The following PTPRO variants were observed in gnomAD, a reference collection of about 807,000 sequenced individuals.
PTPRO encodes protein tyrosine phosphatase receptor type O, also known as receptor-type tyrosine-protein phosphatase O.
PTPRO carries 62 observed loss-of-function variants against 145.2 expected under a neutral mutation model. The ratio of observed to expected loss-of-function variants is 0.43; its 90% CI spans 0.35 to 0.53. PTPRO has a LOEUF of 0.53. Among genes scored for constraint, PTPRO ranks in the 20% least tolerant of loss-of-function variants. The pLI is 0.01. For missense variants in PTPRO, 1,345 were observed against 1,482.7 expected, an observed-to-expected ratio of 0.91 and a Z score of 1.53; for synonymous variants, 565 against 514.7, an observed-to-expected ratio of 1.10 and a Z score of -1.32.
intron 6 of PTPRO, among the ~76,000 whole-genome samples, chr12:15,507,753 T>C (rs998155057): frequency 2.0e-5 from 3 of 152,238 alleles, no homozygotes; most frequent in Non-Finnish European, 2.9e-5. Context: ...TCCTCCCCAG[T>C]AGAGCGACTT....
At chr12:15,469,515 G>A (rs1004005877) in intron 1 of PTPRO, among the ~76,000 whole-genome samples, 1 of 152,146 alleles carries the variant, frequency 6.6e-6, no homozygotes. Context: ...CACCAGCCAA[G>A]CACAGCTTCC....
At chr12:15,324,268 T>C (rs1866382118) in intron 1 of PTPRO, among the ~76,000 whole-genome samples, 1 of 152,250 alleles carries the variant, frequency 6.6e-6, no homozygotes, top group Admixed American at 6.5e-5. Context: ...GAGTTATATG[T>C]ATGACATCTG....
At chr12:15,438,624 G>GT (rs994710055) in intron 1 of PTPRO, among the ~76,000 whole-genome samples, 49 of 152,040 alleles carry the variant, frequency 3.2e-4, no homozygotes, top group African/African-American at 1.2e-3. Context: ...AGATTGAAGA[G>GT]TGGTCTTTTG....
In PTPRO at chr12:15,322,742, A is replaced by G. The variant is rs1234329276; in HGVS notation, c.16A>G (p.Thr6Ala). ...CCGCGCAGCGATGGGGCACCTGCCC[A>G]CGGGGATACACGGCGCCCGCCGCCT... is the stretch of plus-strand genomic sequence containing the variant. MGHLP[T>A]GIHGARRLLP... Residue 6 changes from threonine to alanine, a missense_variant, in exon 1 of 27, where the codon ACG becomes GCG. Thr to Ala is a moderately conservative substitution (Grantham distance 58). Around this residue, in one of 3 missense-constraint regions of PTPRO, gnomAD observed 1,130 missense variants for 1,214.7 expected, o/e 0.93. Coordinates refer to ENST00000281171, the MANE Select transcript of PTPRO (RefSeq NM_030667.3). This position sits in a 1 kb window ranked among gnomAD's most constrained non-coding sequence, Gnocchi z 6.3. 4.3e-6 allele frequency: 7 copies of G among 1,611,792 alleles called. No homozygotes were observed. Among genetic ancestry groups the G allele is most frequent in the South Asian group, 1.1e-5 (1 of 90,886 alleles).
rs536019936 is a variant in PTPRO, at chr12:15,507,856, A to T, written c.1268-715A>T. On this transcript the variant is annotated intron_variant, in intron 6 of 26. Coordinates refer to ENST00000281171, the MANE Select transcript of PTPRO (RefSeq NM_030667.3). The stretch of plus-strand genomic sequence containing the variant: ...CTAAGCAAATAAATGGAAGTTTCAC[A>T]TTTGCATTTCAGCAGGGAATTTCTG... 3.9e-5 allele frequency among the ~76,000 whole-genome samples: 6 copies of T among 152,310 alleles called. 1 individual carries two copies. The highest frequency in any genetic ancestry group is 7.4e-5 in the Non-Finnish European group (5 of 68,018).
chr12:15,458,884 G>C (rs1941240250), intron 1 of PTPRO, among the ~76,000 whole-genome samples: 1 of 151,868 alleles, frequency 6.6e-6, no homozygotes, highest in Non-Finnish European at 1.5e-5. Context: ...TATTTACCTG[G>C]TTGTTTTTCC....
intron 13 of PTPRO, among the ~76,000 whole-genome samples, chr12:15,548,157 A>G (rs2135552889): frequency 6.6e-6 from 1 of 152,328 alleles, no homozygotes; most frequent in South Asian, 2.1e-4. Context: ...AGAAAAATAC[A>G]GAAATCTCTT....
chr12:15,494,895 T>G (rs941293037), intron 2 of PTPRO, among the ~76,000 whole-genome samples: 13 of 152,264 alleles, frequency 8.5e-5, no homozygotes, highest in African/African-American at 3.1e-4. Context: ...CGTGGCTACT[T>G]TTTCTGTCTC....
chr12:15,340,734 A>G (rs964038555), intron 1 of PTPRO, among the ~76,000 whole-genome samples: 1 of 152,196 alleles, frequency 6.6e-6, no homozygotes, highest in African/African-American at 2.4e-5. Flanking sequence ...GCACCATGGC[A>G]GACTTATGCC....
chr12:15,487,273 G>A (rs1941908446), intron 2 of PTPRO, among the ~76,000 whole-genome samples: 1 of 152,048 alleles, frequency 6.6e-6, no homozygotes, highest in Non-Finnish European at 1.5e-5. Context: ...TTAAATCCAT[G>A]GGTCAGAGAG....
At chr12:15,342,439 T>C (rs1191766953) in intron 1 of PTPRO, among the ~76,000 whole-genome samples, 1 of 152,214 alleles carries the variant, frequency 6.6e-6, no homozygotes, top group Admixed American at 6.5e-5. Flanking sequence ...TCTATGAACA[T>C]TTATAGAGCA....
Position 15,589,604 on chromosome 12 carries a change from C to T in PTPRO, c.3546+14C>T, listed in dbSNP as rs1944504611. Reference sequence around the variant, plus strand: ...GTACAGACAGAGGTAGGAACATAATCTATATGTATTTTTAAATTTTCCCTG... The same window carrying T: ...GTACAGACAGAGGTAGGAACATAATTTATATGTATTTTTAAATTTTCCCTG... On this transcript the variant is annotated intron_variant, in intron 25 of 26. Transcript: ENST00000281171. 6.2e-7 allele frequency: 1 copy of T among 1,613,584 alleles called. No homozygotes were observed. The highest frequency in any genetic ancestry group is 2.2e-5 in the East Asian group (1 of 44,826).
chr12:15,533,434 A>C (rs993435500), intron 12 of PTPRO, among the ~76,000 whole-genome samples: 2 of 152,168 alleles, frequency 1.3e-5, no homozygotes, highest in African/African-American at 4.8e-5. Context: ...GATCTGTTCT[A>C]CTAATCATGT....
intron 17 of PTPRO, among the ~76,000 whole-genome samples, chr12:15,564,830 C>T (rs1307571012): frequency 6.6e-6 from 1 of 152,110 alleles, no homozygotes; most frequent in South Asian, 2.1e-4. Context: ...TTATAGACAA[C>T]AATAAGAATA....
chr12:15,521,841 A>G (rs1288458047), intron 10 of PTPRO, among the ~76,000 whole-genome samples: 2 of 152,202 alleles, frequency 1.3e-5, no homozygotes, highest in African/African-American at 4.8e-5. Context: ...TATGCCTTTC[A>G]AGATGGAAAA....
At chr12:15,434,522 G>C (rs2136347079) in intron 1 of PTPRO, among the ~76,000 whole-genome samples, 1 of 152,216 alleles carries the variant, frequency 6.6e-6, no homozygotes, top group South Asian at 2.1e-4. Context: ...AATCCACTTG[G>C]CCATTAAACA....
intron 1 of PTPRO, among the ~76,000 whole-genome samples, chr12:15,437,672 C>T (rs940376467): frequency 6.6e-6 from 1 of 152,226 alleles, no homozygotes; most frequent in African/African-American, 2.4e-5. Context: ...AAGGCCCTCT[C>T]TGCTCCACAC....
intron 1 of PTPRO, among the ~76,000 whole-genome samples, chr12:15,438,726 T>C (rs954868277): frequency 3.9e-5 from 6 of 152,114 alleles, no homozygotes; most frequent in Non-Finnish European, 8.8e-5. Context: ...ACTAAATGTA[T>C]GAATTATTGG....
chr12:15,491,355 T>A lies in PTPRO; in HGVS notation c.350-5890T>A, dbSNP rs377400968. 3.9e-4 allele frequency among the ~76,000 whole-genome samples: 60 copies of A among 152,338 alleles called. 1 individual carries two copies. In the South Asian group the frequency reaches 0.011, roughly 28 times the overall value. ...ATCTCAGAAAGAAGCAACTCAGCAG[T>A]TAGCATTTAATAAGTAATACATAGC... On this transcript the variant is annotated intron_variant, in intron 2 of 26. Coordinates refer to ENST00000281171, the MANE Select transcript of PTPRO (RefSeq NM_030667.3).
Sources: gnomAD v4.1 joint callset for allele counts (sites outside exome capture counted in the v4.1 genomes callset) on GRCh38, gnomAD v4.1.1 for gene constraint, gnomAD v4.1.1 regional missense constraint, Gnocchi (gnomAD v3.1) non-coding constraint, MANE v1.5 for transcripts, NCBI Gene and HGNC (gene_info 2026-07-23, HGNC 2026-07-21) for gene names.